HM13: variants seen among roughly 807,000 people sequenced by gnomAD.
HM13 encodes the protein signal peptide peptidase.
Under a neutral mutation model 50.0 loss-of-function variants are expected in HM13, and 18 were observed. That is an observed-to-expected ratio of 0.36 (90% CI 0.25 to 0.53). The LOEUF (loss-of-function observed/expected upper bound fraction) is 0.53. Ranked by LOEUF, HM13 falls within the 20% of genes least tolerant of loss-of-function variation. HM13 has a pLI of 0.90. For missense variants in HM13, 393 were observed against 552.4 expected (o/e 0.71, Z 2.89); for synonymous variants, 197 against 232.6 (o/e 0.85, Z 1.39).
intron 1 of HM13, among the ~76,000 whole-genome samples, chr20:31,521,522 G>A (rs1241735926): frequency 1.3e-5 from 2 of 152,114 alleles, no homozygotes; most frequent in African/African-American, 2.4e-5. Context: ...TCAGGATCTT[G>A]TGACAGACCA....
chr20:31,533,765 TAATA>T (rs1982952152), intron 2 of HM13, among the ~76,000 whole-genome samples: 1 of 152,222 alleles, frequency 6.6e-6, no homozygotes, highest in Non-Finnish European at 1.5e-5. Context: ...CCTGTGAGTA[TAATA>T]AATCCTTTCA....
intron 1 of HM13, among the ~76,000 whole-genome samples, chr20:31,515,506 T>G (rs1453603174): frequency 2.0e-5 from 3 of 152,182 alleles, no homozygotes; most frequent in Non-Finnish European, 4.4e-5. Flanking sequence ...GTTCCTAACC[T>G]GTAACCCTTT....
At chr20:31,540,684 G>A (rs1983397301) in intron 3 of HM13, 1 of 152,118 alleles carries the variant, frequency 6.6e-6, no homozygotes, top group Non-Finnish European at 1.5e-5. Flanking sequence ...TCATAGATGA[G>A]TAATCTATGT....
chr20:31,519,211 T>C (rs949789675), intron 1 of HM13, among the ~76,000 whole-genome samples: 9 of 152,142 alleles, frequency 5.9e-5, no homozygotes, highest in Admixed American at 2.6e-4. Flanking sequence ...AAGCGATTCT[T>C]CTGCCTCAGC....
chr20:31,546,164 C>T (rs1274006478), intron 4 of HM13, among the ~76,000 whole-genome samples: 1 of 151,682 alleles, frequency 6.6e-6, no homozygotes, highest in Non-Finnish European at 1.5e-5. Flanking sequence ...ATTCTCCTGC[C>T]TCAGCCTCCC....
chr20:31,558,755 A>G (rs1365175652), intron 8 of HM13, among the ~76,000 whole-genome samples: 1 of 151,556 alleles, frequency 6.6e-6, no homozygotes. Flanking sequence ...ACAGAGTCTC[A>G]CTCTGTCGTC....
At chr20:31,552,101 A>G (rs1265486412) in intron 7 of HM13, among the ~76,000 whole-genome samples, 1 of 151,934 alleles carries the variant, frequency 6.6e-6, no homozygotes, top group Non-Finnish European at 1.5e-5. Flanking sequence ...GAGCAAGGGA[A>G]CAGATGCTGG....
At chr20:31,550,496 G>T in intron 7 of HM13, 1 of 201,120 alleles carries the variant, frequency 5.0e-6, no homozygotes, top group South Asian at 1.1e-4. Context: ...TCTATCCCGT[G>T]CCTCTCAAAC....
intron 3 of HM13, 136 bp downstream of exon 3, chr20:31,538,397 C>T: frequency 6.5e-7 from 1 of 1,541,080 alleles, no homozygotes; most frequent in Non-Finnish European, 8.8e-7. Context: ...GGACTCTTTC[C>T]CCTGCACACT....
chr20:31,536,440 A>G (rs1983111202), intron 2 of HM13, among the ~76,000 whole-genome samples: 1 of 152,032 alleles, frequency 6.6e-6, no homozygotes, highest in Admixed American at 6.6e-5. Context: ...CATCCCCCCA[A>G]GCCAGGGCAC....
intron 7 of HM13, among the ~76,000 whole-genome samples, chr20:31,552,056 G>A (rs920589635): frequency 7.9e-5 from 12 of 152,026 alleles, no homozygotes; most frequent in Middle Eastern, 3.4e-3. Context: ...GGCAGCCCCC[G>A]AGAACCAAGT....
intron 4 of HM13, chr20:31,547,940 G>C (rs1045325088): frequency 2.8e-5 from 38 of 1,339,090 alleles, no homozygotes; most frequent in Non-Finnish European, 3.8e-5. Context: ...CTGTGTGTTG[G>C]GGTCATGAAG....
chr20:31,561,779 A>G, intron 10 of HM13, 43 bp downstream of exon 10: 1 of 1,301,716 alleles, frequency 7.7e-7, no homozygotes, highest in Non-Finnish European at 1.1e-6. Flanking sequence ...CCTCACTGCA[A>G]ATAGAGGGAC....
Position 31,547,432 on chromosome 20 carries a change from CCTG to C in HM13, c.455-1595_455-1593del, listed in dbSNP as rs1351039847. ...GCCGCGTGGCGCCCGCGCCGGCCTT[CCTG>C]CAGGGGACTCCACCGGAGCCTTGCC... On this transcript the variant is annotated intron_variant, in intron 4 of 12. Coordinates refer to ENST00000398174, the MANE Select transcript of HM13 (RefSeq NM_178581.3). 5 of 507,392 alleles carry C rather than the reference CCTG, an allele frequency of 9.9e-6. No homozygotes were observed. The Admixed American group carries it at 1.9e-4, about 19-fold the overall frequency. The allele number at this position is 507,392 out of a possible 1,614,324, so 31.4% of individuals were successfully genotyped here. A position where few individuals can be genotyped will look rare whatever the true frequency, so the allele number is the denominator to read the frequency against.
chr20:31,534,542 G>C (rs1430312590), intron 2 of HM13, among the ~76,000 whole-genome samples: 1 of 152,178 alleles, frequency 6.6e-6, no homozygotes, highest in Non-Finnish European at 1.5e-5. Context: ...CCAGCACTTT[G>C]GGAGGCCAAG....
chr20:31,561,846 GTGT>G, intron 10 of HM13, 110 bp downstream of exon 10: 1 of 755,636 alleles, frequency 1.3e-6, no homozygotes, highest in South Asian at 1.5e-5. Flanking sequence ...CTCCCCACTG[GTGT>G]TGGAGCAGTC....
intron 1 of HM13, among the ~76,000 whole-genome samples, chr20:31,526,395 G>T (rs1982494795): frequency 6.6e-6 from 1 of 152,100 alleles, no homozygotes; most frequent in Non-Finnish European, 1.5e-5. Context: ...CTGACCTTGT[G>T]ATCCACCCGC....
intron 2 of HM13, among the ~76,000 whole-genome samples, chr20:31,531,056 C>T (rs1041961353): frequency 1.6e-4 from 24 of 151,588 alleles, no homozygotes; most frequent in Non-Finnish European, 3.1e-4. Context: ...GATTTTTTTT[C>T]TTTTTTGAGA....
rs1489722287 is a variant in HM13 at position 31,538,196 on chromosome 20, C to T, written c.300C>T (p.Tyr100=). 2 of 1,613,694 alleles carry T rather than the reference C, an allele frequency of 1.2e-6. No homozygotes were observed. Among genetic ancestry groups the T allele is most frequent in the Admixed American group, 1.7e-5 (1 of 60,012 alleles). ...TGCCTCAGATATTCTCCCAGGAGTA[C>T]ATCAACCTCCTGCTGTCCATGTATT... is the stretch of plus-strand genomic sequence containing the variant. The part of the protein sequence containing the change: ...YLFFKIFSQE[Y]INLLLSMYFF... The change falls in exon 3 of 13, where the codon TAC becomes TAT. Residue 100 remains tyrosine, a synonymous_variant. Coordinates refer to ENST00000398174, the MANE Select transcript of HM13 (RefSeq NM_178581.3).
Sources: gnomAD v4.1 joint callset for allele counts (sites outside exome capture counted in the v4.1 genomes callset) on GRCh38, gnomAD v4.1.1 for gene constraint, MANE v1.5 for transcripts, NCBI Gene and HGNC (gene_info 2026-07-23, HGNC 2026-07-21) for gene names.